KIF13A: variants seen among roughly 807,000 people sequenced by gnomAD.
The protein encoded by KIF13A is kinesin family member 13A.
A neutral mutation model predicts 212.2 loss-of-function variants in KIF13A; 79 were observed. That is an observed-to-expected ratio of 0.37 (90% CI 0.31 to 0.45). The LOEUF is 0.45. Ranked by LOEUF, KIF13A falls within the 20% of genes least tolerant of loss-of-function variation. The pLI is 1.00. For missense variants in KIF13A, 1,901 were observed against 2,209.0 expected (o/e 0.86, Z 2.79); for synonymous variants, 789 against 808.6 (o/e 0.98, Z 0.41).
chr6:17,849,366 A>G lies in KIF13A; in HGVS notation c.830+11T>C. 6.3e-7 allele frequency: 1 copy of G among 1,596,854 alleles called. No individual in the cohort carries two copies. Among genetic ancestry groups the G allele is most frequent in the Non-Finnish European group, 8.6e-7 (1 of 1,166,432 alleles). On this transcript the variant is annotated intron_variant, in intron 9 of 38. Transcript: ENST00000259711. This position sits in a 1 kb window ranked among gnomAD's most constrained non-coding sequence, Gnocchi z 5.7. ...AAATCACCCAGGCTGTTCTGGGACCAGCCACCTTACTTGTTAATGTTGCTG... is the reference window on the plus strand; with the variant it reads ...AAATCACCCAGGCTGTTCTGGGACCGGCCACCTTACTTGTTAATGTTGCTG...
intron 3 of KIF13A, chr6:17,882,293 A>G (rs1205202520): frequency 1.2e-5 from 3 of 254,074 alleles, no homozygotes; most frequent in Non-Finnish European, 2.4e-5. Flanking sequence ...GCATGTTTGT[A>G]TCCTCTTGCT....
At chr6:17,767,347 C>T (rs1242532357) in intron 38 of KIF13A, among the ~76,000 whole-genome samples, 3 of 152,018 alleles carry the variant, frequency 2.0e-5, no homozygotes, top group Non-Finnish European at 2.9e-5. Flanking sequence ...CTCTGCCTCC[C>T]GAGTTCAAGT....
rs1187342052 is a variant in KIF13A at position 17,917,039 on chromosome 6, AT to A, written c.147-18860del. On this transcript the variant is annotated intron_variant, in intron 2 of 38. Transcript: ENST00000259711. ...TCAACTTTACAAAAAAAAAAAAAAA[AT>A]TCCCCACTAGACACTGTGCCCATAA... is the stretch of plus-strand genomic sequence containing the variant. Among the ~76,000 whole-genome samples the A allele has an allele frequency of 7.0e-4, 106 of 151,306 alleles. 1 individual carries two copies. The highest frequency in any genetic ancestry group is 4.9e-3 in the Admixed American group (74 of 15,192).
intron 31 of KIF13A, 125 bp from the exon 32 acceptor site, chr6:17,779,809 G>A (rs1414657769): frequency 1.1e-5 from 5 of 460,192 alleles, no homozygotes; most frequent in African/African-American, 2.2e-5. Context: ...GCGCGATCTC[G>A]GCTCACTGCA....
At chr6:17,852,294 CTGGG>C (rs1350800334) in intron 6 of KIF13A, among the ~76,000 whole-genome samples, 3 of 152,138 alleles carry the variant, frequency 2.0e-5, no homozygotes, top group African/African-American at 7.2e-5. Context: ...ACAAACCTTC[CTGGG>C]TTAGGCTGTC....
chr6:17,963,581 A>T lies in KIF13A; in HGVS notation c.146+23473T>A, dbSNP rs1238104372. ...TTCTATATCTTTCTTTTTTTGAGAC[A>T]GAGTCTTGCTGTGTCGCCTAGGCTG... On this transcript the variant is annotated intron_variant, in intron 2 of 38. Transcript: ENST00000259711. The surrounding 1 kb of genome is among the most constrained non-coding windows in gnomAD (Gnocchi z 4.1). Among the ~76,000 whole-genome samples, 1 of 152,188 alleles carries T rather than the reference A, an allele frequency of 6.6e-6. No individual in the cohort carries two copies. The highest frequency in any genetic ancestry group is 1.5e-5 in the Non-Finnish European group (1 of 68,028).
intron 38 of KIF13A, among the ~76,000 whole-genome samples, chr6:17,766,199 T>C (rs1183080670): frequency 6.8e-6 from 1 of 147,278 alleles, no homozygotes; most frequent in Non-Finnish European, 1.5e-5. Flanking sequence ...ATTTTATTAA[T>C]TTACTTATTT....
chr6:17,864,000 A>T (rs1769112911), intron 4 of KIF13A, among the ~76,000 whole-genome samples: 1 of 152,152 alleles, frequency 6.6e-6, no homozygotes, highest in Non-Finnish European at 1.5e-5. Flanking sequence ...TCTCCACCCT[A>T]AACGTTTTCC....
At chr6:17,820,991 C>T (rs970262021) in intron 16 of KIF13A, among the ~76,000 whole-genome samples, 3 of 152,186 alleles carry the variant, frequency 2.0e-5, no homozygotes, top group East Asian at 1.9e-4. Flanking sequence ...ACTGGCACTA[C>T]GCATGACCCT....
rs1371189637 is a variant in KIF13A, at chr6:17,836,977, A to G, written c.1056T>C (p.Ile352=). The G allele has an allele frequency of 6.2e-6, 10 of 1,613,836 alleles. No homozygotes were observed. The highest frequency in any genetic ancestry group is 2.2e-5 in the South Asian group (2 of 91,074). Residue 352 remains isoleucine (I), a synonymous_variant, in exon 11 of 39, where the codon ATT becomes ATC. Coordinates refer to ENST00000259711, the MANE Select transcript of KIF13A (RefSeq NM_022113.6). ...CCTCATTCACAACAGCATGGTTCAC[A>G]ATCCTTTTGGCTCGGTCTGCATATC... ...TLRYADRAKR[I]VNHAVVNEDP...
intron 12 of KIF13A, 32 bp downstream of exon 12, chr6:17,833,929 C>T (rs1196452889): frequency 8.9e-7 from 1 of 1,125,964 alleles, no homozygotes; most frequent in South Asian, 1.5e-5. Flanking sequence ...GAAAAAGAAT[C>T]CCAATATTTT....
At chr6:17,823,850 G>A (rs982005062) in intron 16 of KIF13A, among the ~76,000 whole-genome samples, 72 of 151,702 alleles carry the variant, frequency 4.7e-4, no homozygotes, top group African/African-American at 1.5e-3. Flanking sequence ...CTATCTTCCC[G>A]TCTCGGCCTC....
intron 6 of KIF13A, among the ~76,000 whole-genome samples, chr6:17,852,804 C>T (rs751110423): frequency 4.1e-4 from 63 of 152,202 alleles, no homozygotes; most frequent in Non-Finnish European, 7.8e-4. Context: ...TCTATGCTTA[C>T]ACTATTTTAT....
intron 2 of KIF13A, among the ~76,000 whole-genome samples, chr6:17,985,708 T>G (rs1781501008): frequency 6.6e-6 from 1 of 150,846 alleles, no homozygotes; most frequent in Non-Finnish European, 1.5e-5. Context: ...ATGTACTCAA[T>G]GAGTTTACTT....
chr6:17,906,904 A>G (rs1773551761), intron 2 of KIF13A, among the ~76,000 whole-genome samples: 1 of 152,176 alleles, frequency 6.6e-6, no homozygotes. Context: ...TAAGACACTC[A>G]TGGTCTGGAT....
rs575093947 is a variant in KIF13A, at chr6:17,971,940, T to C, written c.146+15114A>G. ...AAAAAAAATGTCCCTAGGATTACAGTAGACCAGCAATTTTTGAACACTATT... is the reference window on the plus strand; with the variant it reads ...AAAAAAAATGTCCCTAGGATTACAGCAGACCAGCAATTTTTGAACACTATT... On this transcript the variant is annotated intron_variant, in intron 2 of 38. Transcript: ENST00000259711. The surrounding 1 kb of genome is among the most constrained non-coding windows in gnomAD (Gnocchi z 4.2). 1.3e-5 allele frequency among the ~76,000 whole-genome samples: 2 copies of C among 152,172 alleles called. No individual in the cohort carries two copies. Among genetic ancestry groups the C allele is most frequent in the African/African-American group, 4.8e-5 (2 of 41,432 alleles).
In KIF13A at chr6:17,926,887, C is replaced by T. The variant is rs905168142; in HGVS notation, c.147-28707G>A. On this transcript the variant is annotated intron_variant, in intron 2 of 38. Coordinates refer to ENST00000259711, the MANE Select transcript of KIF13A (RefSeq NM_022113.6). This position sits in a 1 kb window ranked among gnomAD's most constrained non-coding sequence, Gnocchi z 4.3. ...GCGCGGTGGCTCATACCTGTAATCT[C>T]GGCACTTTGGGAGGTCGAGGCAGGC... is the stretch of plus-strand genomic sequence containing the variant. Among the ~76,000 whole-genome samples the T allele has an allele frequency of 6.6e-6, 1 of 152,090 alleles. No individual in the cohort carries two copies. The highest frequency in any genetic ancestry group is 1.5e-5 in the Non-Finnish European group (1 of 68,018).
Position 17,776,804 on chromosome 6 carries a change from T to C in KIF13A, c.4170+473A>G, listed in dbSNP as rs1760024555. Among the ~76,000 whole-genome samples, 1 of 152,150 alleles carries C rather than the reference T, an allele frequency of 6.6e-6. No homozygotes were observed. The highest frequency in any genetic ancestry group is 6.5e-5 in the Admixed American group (1 of 15,278). The stretch of plus-strand genomic sequence containing the variant: ...GTTTCTGTCAATTGGATTTTCTAGA[T>C]TAACTGGTTGAGAAAAATAACGAAA... On this transcript the variant is annotated intron_variant, in intron 34 of 38. Coordinates refer to ENST00000259711, the MANE Select transcript of KIF13A (RefSeq NM_022113.6). This position sits in a 1 kb window ranked among gnomAD's most constrained non-coding sequence, Gnocchi z 4.6.
chr6:17,867,290 T>C (rs1769497826), intron 4 of KIF13A, among the ~76,000 whole-genome samples: 1 of 152,182 alleles, frequency 6.6e-6, no homozygotes, highest in Admixed American at 6.5e-5. Context: ...ATGAGTGAGA[T>C]AATTTATAAA....
Sources: allele counts gnomAD v4.1 joint callset (sites outside exome capture counted in the v4.1 genomes callset), GRCh38; gene constraint gnomAD v4.1.1; non-coding constraint Gnocchi (gnomAD v3.1); transcripts MANE v1.5; gene names NCBI Gene and HGNC (gene_info 2026-07-23, HGNC 2026-07-21).